Variants in FRMPD1 observed in about 807,000 individuals in gnomAD.
FRMPD1 encodes the protein FERM and PDZ domain containing 1.
Under a neutral mutation model 117.8 loss-of-function variants are expected in FRMPD1, and 76 were observed. The ratio of observed to expected loss-of-function variants is 0.65; its 90% CI spans 0.54 to 0.78. The LOEUF is 0.78. Ranked by LOEUF, FRMPD1 falls within the 30% of genes least tolerant of loss-of-function variation. The pLI is 0.00. For synonymous variants in FRMPD1, 783 were observed against 770.4 expected (o/e 1.02, Z -0.27); for missense variants, 1,786 against 1,964.5 (o/e 0.91, Z 1.72).
Position 37,744,551 on chromosome 9 carries a change from C to A in FRMPD1, c.2519C>A (p.Ser840Tyr), listed in dbSNP as rs536979439. 1 of 1,614,162 alleles carries A rather than the reference C, an allele frequency of 6.2e-7. No individual in the cohort carries two copies. Among genetic ancestry groups the A allele is most frequent in the South Asian group, 1.1e-5 (1 of 91,086 alleles). The change falls in exon 16 of 16, where the codon TCT (serine) becomes TAT (tyrosine). Residue 840 changes from serine to tyrosine, a missense_variant. By Grantham distance (144) the Ser-to-Tyr change is moderately radical. Transcript: ENST00000377765. ...GCCAAGACCCTGAGGAAAAGAAGGTCTTTCCTACAGACCGACTACACCTCT... is the reference window on the plus strand; with the variant it reads ...GCCAAGACCCTGAGGAAAAGAAGGTATTTCCTACAGACCGACTACACCTCT... ...KYAKTLRKRR[S>Y]FLQTDYTSQV...
At chr9:37,633,389 T>C in the FRMPD1 span, among the ~76,000 whole-genome samples, 1 of 152,262 alleles carries the variant, frequency 6.6e-6, no homozygotes, top group Non-Finnish European at 1.5e-5. Context: ...TTTCTAGAAA[T>C]GTGTAACAAT....
At chr9:37,622,520 C>T in the FRMPD1 span, among the ~76,000 whole-genome samples, 2 of 152,182 alleles carry the variant, frequency 1.3e-5, no homozygotes, top group African/African-American at 4.8e-5. Context: ...CTTCTTTTTC[C>T]CTGTCTACTG....
At position 37,731,061 on chromosome 9, in the gene FRMPD1, C is replaced by T. The variant is rs1395176393; in HGVS notation, c.816C>T (p.Leu272=). The T allele has an allele frequency of 1.2e-6, 2 of 1,613,684 alleles. No individual in the cohort carries two copies. Among genetic ancestry groups the T allele is most frequent in the South Asian group, 2.2e-5 (2 of 91,082 alleles). ...VCFVPKDPLD[L]LKEDPVAFEY... ...TTGTTCCCAAGGACCCCCTGGACCT[C>T]CTGAAAGAAGACCCCGTGGCCTTTG... is the stretch of plus-strand genomic sequence containing the variant. The change falls in exon 9 of 16, where the codon CTC becomes CTT. Residue 272 remains leucine, a synonymous_variant. Transcript: ENST00000377765.
At chr9:37,722,287 C>T (rs1823431395) in intron 6 of FRMPD1, among the ~76,000 whole-genome samples, 1 of 149,408 alleles carries the variant, frequency 6.7e-6, no homozygotes, top group Non-Finnish European at 1.5e-5. Context: ...CCAGCCTGAG[C>T]AACAGGGTGA....
intron 6 of FRMPD1, among the ~76,000 whole-genome samples, chr9:37,723,340 T>G (rs944059041): frequency 6.6e-6 from 1 of 152,196 alleles, no homozygotes; most frequent in African/African-American, 2.4e-5. Flanking sequence ...CGCGCAGTGC[T>G]ATCAGTACGC....
the FRMPD1 span, among the ~76,000 whole-genome samples, chr9:37,635,649 G>C: frequency 5.4e-3 from 820 of 152,334 alleles, 11 homozygotes; most frequent in African/African-American, 0.019. Flanking sequence ...ACAGGCAAGA[G>C]ACAGCACGAG....
At chr9:37,654,803 G>A (rs1820790968) in intron 1 of FRMPD1, among the ~76,000 whole-genome samples, 1 of 152,154 alleles carries the variant, frequency 6.6e-6, no homozygotes, top group Non-Finnish European at 1.5e-5. Flanking sequence ...TCAAGAGCAG[G>A]CTCTCTGCCC....
intron 1 of FRMPD1, among the ~76,000 whole-genome samples, chr9:37,692,057 T>A (rs1033798263): frequency 2.0e-5 from 3 of 151,700 alleles, no homozygotes; most frequent in African/African-American, 7.3e-5. Flanking sequence ...TTTATTATGA[T>A]AAGAACACTT....
intron 1 of FRMPD1, among the ~76,000 whole-genome samples, chr9:37,682,552 G>C (rs1821765184): frequency 6.6e-6 from 1 of 152,216 alleles, no homozygotes. Context: ...TAAAGGCAAA[G>C]CCAGGAAGGA....
At chr9:37,664,147 T>A (rs1469606282) in intron 1 of FRMPD1, among the ~76,000 whole-genome samples, 3 of 152,002 alleles carry the variant, frequency 2.0e-5, no homozygotes, top group Non-Finnish European at 4.4e-5. Context: ...AACTGTGAAA[T>A]GTTTCCTGAG....
At chr9:37,625,878 A>G in the FRMPD1 span, among the ~76,000 whole-genome samples, 1 of 152,214 alleles carries the variant, frequency 6.6e-6, no homozygotes, top group African/African-American at 2.4e-5. Flanking sequence ...GCGCCTCACA[A>G]GGAGAGGTTT....
chr9:37,715,805 ATT>A, intron 5 of FRMPD1: 2 of 401,598 alleles, frequency 5.0e-6, no homozygotes, highest in Non-Finnish European at 5.0e-6. Flanking sequence ...TCATGTCAGC[ATT>A]TTTTTTTCCC....
chr9:37,721,119 G>A (rs573103863), intron 6 of FRMPD1, among the ~76,000 whole-genome samples: 1 of 152,194 alleles, frequency 6.6e-6, no homozygotes, highest in Non-Finnish European at 1.5e-5. Flanking sequence ...CTACAGAACT[G>A]GCTCAGAGTT....
At chr9:37,617,150 C>T in the FRMPD1 span, among the ~76,000 whole-genome samples, 2 of 152,228 alleles carry the variant, frequency 1.3e-5, no homozygotes, top group Admixed American at 6.5e-5. Context: ...TAAACTTGCC[C>T]AAGATCACTA....
the FRMPD1 span, among the ~76,000 whole-genome samples, chr9:37,632,032 T>C: frequency 6.6e-6 from 1 of 152,226 alleles, no homozygotes; most frequent in Non-Finnish European, 1.5e-5. Flanking sequence ...GAAAAATTGC[T>C]GGTCCTGCCA....
the FRMPD1 span, among the ~76,000 whole-genome samples, chr9:37,614,550 A>T: frequency 6.6e-6 from 1 of 152,210 alleles, no homozygotes; most frequent in African/African-American, 2.4e-5. Context: ...GTTTCCCAAA[A>T]AACCTTCACA....
At chr9:37,606,876 T>A in the FRMPD1 span, among the ~76,000 whole-genome samples, 2 of 151,896 alleles carry the variant, frequency 1.3e-5, no homozygotes, top group Non-Finnish European at 2.9e-5. Flanking sequence ...TGTAAGGGAG[T>A]CCTTGGCCCT....
intron 1 of FRMPD1, among the ~76,000 whole-genome samples, chr9:37,652,355 A>C (rs779946287): frequency 1.3e-5 from 2 of 152,228 alleles, no homozygotes; most frequent in Non-Finnish European, 2.9e-5. Flanking sequence ...GCACAGTCAC[A>C]GCAAAACAAG....
intron 2 of FRMPD1, among the ~76,000 whole-genome samples, chr9:37,696,622 C>T: frequency 6.6e-6 from 1 of 152,132 alleles, no homozygotes; most frequent in Non-Finnish European, 1.5e-5. Flanking sequence ...AAATAGATTG[C>T]AAACCAATGA....
Sources: allele counts gnomAD v4.1 joint callset (sites outside exome capture counted in the v4.1 genomes callset), GRCh38; gene constraint gnomAD v4.1.1; transcripts MANE v1.5; gene names NCBI Gene and HGNC (gene_info 2026-07-23, HGNC 2026-07-21).